Variants in LSAMP observed in about 807,000 individuals in gnomAD.
LSAMP encodes limbic system-associated membrane protein.
A neutral mutation model predicts 38.6 loss-of-function variants in LSAMP; 7 were observed. That is an observed-to-expected ratio of 0.18 (90% CI 0.10 to 0.34). The LOEUF is 0.34. Among genes scored for constraint, LSAMP ranks in the 10% least tolerant of loss-of-function variants. The pLI, the probability that LSAMP is intolerant of heterozygous loss-of-function variation, is 1.00. For missense variants in LSAMP, 313 were observed against 420.0 expected (o/e 0.75, Z 2.23); for synonymous variants, 154 against 166.8 (o/e 0.92, Z 0.59).
rs77610113 is a variant in LSAMP, at chr3:116,114,393, G to A, written c.156-27837C>T. Among the ~76,000 whole-genome samples, 1,508 of 152,294 alleles carry A rather than the reference G, an allele frequency of 9.9e-3. 21 individuals are homozygous for A. The highest frequency in any genetic ancestry group is 0.033 in the African/African-American group (1,357 of 41,558). On this transcript the variant is annotated intron_variant, in intron 1 of 6. Coordinates refer to ENST00000490035, the MANE Select transcript of LSAMP (RefSeq NM_002338.5). ...ATCCTAGGCAGTACATGGGTTGGAA[G>A]GAAGAAGAAAGAAAGGGAAGTTTTT...
chr3:116,212,722 G>A (rs745718410), intron 1 of LSAMP, among the ~76,000 whole-genome samples: 1 of 152,176 alleles, frequency 6.6e-6, no homozygotes, highest in Non-Finnish European at 1.5e-5. Flanking sequence ...GTAAGTGCTA[G>A]TTCCTTATGG....
rs543385520 is a variant in LSAMP, at chr3:115,996,793, C to T, written c.514+22722G>A. ...ATTTCCTCCCCTCCTCTCAGGCTCC[C>T]TTCAAGTTATCAAGAAAAATAAACC... On this transcript the variant is annotated intron_variant, in intron 3 of 6. Transcript: ENST00000490035. Among the ~76,000 whole-genome samples, 9 of 152,142 alleles carry T rather than the reference C, an allele frequency of 5.9e-5. No individual in the cohort carries two copies. The East Asian group carries it at 1.7e-3, about 29-fold the overall frequency.
chr3:116,337,730 T>C (rs2047940190), intron 1 of LSAMP, among the ~76,000 whole-genome samples: 1 of 151,788 alleles, frequency 6.6e-6, no homozygotes, highest in Admixed American at 6.6e-5. Context: ...AACAAAAACA[T>C]TTAGGAACAC....
At chr3:116,321,228 G>C (rs943489194) in intron 1 of LSAMP, among the ~76,000 whole-genome samples, 1 of 151,980 alleles carries the variant, frequency 6.6e-6, no homozygotes, top group Non-Finnish European at 1.5e-5. Context: ...TTAAAAAATA[G>C]CTGGGTTTGT....
chr3:116,334,746 A>G (rs1311005255), intron 1 of LSAMP, among the ~76,000 whole-genome samples: 1 of 152,096 alleles, frequency 6.6e-6, no homozygotes, highest in African/African-American at 2.4e-5. Context: ...CTATATCCAC[A>G]TAAGTAAAGC....
chr3:116,046,698 T>C (rs1285985130), intron 2 of LSAMP, among the ~76,000 whole-genome samples: 1 of 152,214 alleles, frequency 6.6e-6, no homozygotes, highest in Non-Finnish European at 1.5e-5. Context: ...CTAGGGAGCC[T>C]TGGCAGTTGT....
chr3:116,208,516 C>T (rs1470171022), intron 1 of LSAMP, among the ~76,000 whole-genome samples: 1 of 152,132 alleles, frequency 6.6e-6, no homozygotes, highest in Non-Finnish European at 1.5e-5. Flanking sequence ...TCTGTTTTTT[C>T]CCCATCTTTG....
intron 3 of LSAMP, among the ~76,000 whole-genome samples, chr3:115,885,491 T>C (rs1266288370): frequency 6.6e-6 from 1 of 151,880 alleles, no homozygotes; most frequent in African/African-American, 2.4e-5. Context: ...CTAGGTTATA[T>C]TGACCAACAA....
chr3:115,806,586 C>T lies in LSAMP; in HGVS notation c.*3731G>A, dbSNP rs1463277058. 1 of 152,106 alleles carries T rather than the reference C, an allele frequency of 6.6e-6. No homozygotes were observed. The highest frequency in any genetic ancestry group is 1.5e-5 in the Non-Finnish European group (1 of 68,018). The allele number at this position is 152,106 out of a possible 1,614,324, so 9.4% of individuals were successfully genotyped here. On this transcript the variant is annotated 3_prime_UTR_variant, in exon 7 of 7. Coordinates refer to ENST00000490035, the MANE Select transcript of LSAMP (RefSeq NM_002338.5). ...GAGAAACAGATTTTTGTTTGGTCCTCCAAGAACGTGAAAATCACGAGTACT... is the reference window on the plus strand; with the variant it reads ...GAGAAACAGATTTTTGTTTGGTCCTTCAAGAACGTGAAAATCACGAGTACT...
At chr3:116,032,973 G>A (rs749298381) in intron 2 of LSAMP, among the ~76,000 whole-genome samples, 26 of 152,278 alleles carry the variant, frequency 1.7e-4, no homozygotes, top group African/African-American at 5.5e-4. Flanking sequence ...CACTGATTGC[G>A]TAGAAGCAAT....
intron 3 of LSAMP, among the ~76,000 whole-genome samples, chr3:115,963,064 T>C (rs1268788943): frequency 6.6e-6 from 1 of 152,036 alleles, no homozygotes; most frequent in Non-Finnish European, 1.5e-5. Flanking sequence ...ATTTAAATGG[T>C]TTTTTTTCCT....
At chr3:116,357,029 G>A (rs1412744180) in intron 1 of LSAMP, among the ~76,000 whole-genome samples, 1 of 152,088 alleles carries the variant, frequency 6.6e-6, no homozygotes, top group Non-Finnish European at 1.5e-5. Context: ...TCCTGACCTC[G>A]TGATCCACCC....
chr3:116,308,583 A>G (rs1008910170), intron 1 of LSAMP, among the ~76,000 whole-genome samples: 1 of 127,360 alleles, frequency 7.9e-6, no homozygotes, highest in Non-Finnish European at 1.7e-5. Flanking sequence ...TTTCCAGTCT[A>G]TATTTCATGA....
intron 3 of LSAMP, among the ~76,000 whole-genome samples, chr3:115,949,519 A>G (rs1260325356): frequency 6.6e-6 from 1 of 151,994 alleles, no homozygotes; most frequent in Non-Finnish European, 1.5e-5. Context: ...GCCCTCCTAG[A>G]TTAACTCAGG....
At chr3:116,102,789 G>A (rs73140905) in intron 1 of LSAMP, among the ~76,000 whole-genome samples, 1,729 of 114,452 alleles carry the variant, frequency 0.015, 28 homozygotes, top group African/African-American at 0.082. Flanking sequence ...CTATCTATCT[G>A]TCTGTCTGTC....
chr3:116,207,583 C>T (rs918381589), intron 1 of LSAMP, among the ~76,000 whole-genome samples: 2 of 151,264 alleles, frequency 1.3e-5, no homozygotes, highest in African/African-American at 4.9e-5. Context: ...TTCAGGAGCT[C>T]TTTTAGGGCA....
intron 3 of LSAMP, among the ~76,000 whole-genome samples, chr3:115,996,643 G>A (rs1939823343): frequency 6.6e-6 from 1 of 151,608 alleles, no homozygotes; most frequent in African/African-American, 2.4e-5. Flanking sequence ...GTATGGATGT[G>A]GGGAAAAAAA....
intron 1 of LSAMP, among the ~76,000 whole-genome samples, chr3:116,317,644 C>T (rs1057124684): frequency 2.6e-5 from 4 of 151,712 alleles, no homozygotes; most frequent in African/African-American, 4.8e-5. Context: ...CGTGAGCCCC[C>T]GCGCCCGGCC....
At chr3:116,006,892 T>A (rs1046909216) in intron 3 of LSAMP, among the ~76,000 whole-genome samples, 1 of 152,226 alleles carries the variant, frequency 6.6e-6, no homozygotes, top group Non-Finnish European at 1.5e-5. Flanking sequence ...TTTCTGTGAC[T>A]ATTTTCCCAT....
Sources: allele counts gnomAD v4.1 joint callset (sites outside exome capture counted in the v4.1 genomes callset), GRCh38; gene constraint gnomAD v4.1.1; transcripts MANE v1.5; gene names NCBI Gene and HGNC (gene_info 2026-07-23, HGNC 2026-07-21).